The following MGAM variants were observed in gnomAD, a reference collection of about 807,000 sequenced individuals.
MGAM encodes the protein maltase-glucoamylase.
A neutral mutation model predicts 358.8 loss-of-function variants in MGAM; 253 were observed. That is an observed-to-expected ratio of 0.71 (90% CI 0.64 to 0.78). The LOEUF (loss-of-function observed/expected upper bound fraction) is 0.78. MGAM is among the 30% of genes least tolerant of loss of function. The probability of loss-of-function intolerance (pLI) is 0.00; values close to 1 mark genes in which losing one functional copy is unlikely to be tolerated. For missense variants in MGAM, 3,080 were observed against 3,432.6 expected (o/e 0.90, Z 2.57); for synonymous variants, 1,105 against 1,227.1 (o/e 0.90, Z 2.08).
chr7:142,065,442 G>A lies in MGAM; in HGVS notation c.4592G>A (p.Trp1531Ter). The change falls in exon 38 of 71, where the codon TGG (tryptophan) becomes TAG (stop). Residue 1531 changes from tryptophan (W) to a stop codon, truncating the protein, a stop_gained. Coordinates refer to ENST00000475668, the MANE Select transcript of MGAM (RefSeq NM_001365693.1). LOFTEE classifies it high-confidence loss of function. The stretch of plus-strand genomic sequence containing the variant: ...TGGCTGGGAGACAACACGGCCGCAT[G>A]GGATCAGCTGAAGAAGTCTATCATT... Reference protein sequence around the residue: ...GHWLGDNTAAWDQLKKSIIGM... With the variant: ...GHWLGDNTAA 2.5e-6 allele frequency: 4 copies of A among 1,610,494 alleles called. No individual in the cohort carries two copies. The highest frequency in any genetic ancestry group is 2.5e-6 in the Non-Finnish European group (3 of 1,178,256).
intron 16 of MGAM, 108 bp downstream of exon 16, chr7:142,034,949 A>T: frequency 9.2e-7 from 1 of 1,085,750 alleles, no homozygotes; most frequent in Non-Finnish European, 1.3e-6. Flanking sequence ...ATGGCTGGGG[A>T]TTTAATATCT....
chr7:141,996,768 A>G (rs1375730207), intron 1 of MGAM, among the ~76,000 whole-genome samples: 1 of 152,150 alleles, frequency 6.6e-6, no homozygotes, highest in African/African-American at 2.4e-5. Context: ...TTTAGGGGAT[A>G]GTCTGAGGAT....
rs940139268 is a variant in MGAM, at chr7:142,069,207, G to C, written c.5061+504G>C. On this transcript the variant is annotated intron_variant, in intron 43 of 70. Coordinates refer to ENST00000475668, the MANE Select transcript of MGAM (RefSeq NM_001365693.1). ...TAAGGCACACAAGTGATTAGGCAAT[G>C]TGCAAAACACACACAGAGGTATGGG... Among the ~76,000 whole-genome samples the C allele has an allele frequency of 6.2e-5, 9 of 146,282 alleles. 1 individual carries two copies. Among genetic ancestry groups the C allele is most frequent in the African/African-American group, 2.2e-4 (9 of 41,130 alleles).
rs200866992 is a variant in MGAM, at chr7:142,034,763, A to G, written c.1881A>G (p.Gly627=). ...GSGKFAAHWL[G]DNTATWDDLR... is the part of the protein sequence containing the mutation. Reference sequence around the variant, plus strand: ...GCAAGTTTGCAGCACATTGGTTAGGAGACAACACTGCCACCTGGGATGACC... The same window carrying G: ...GCAAGTTTGCAGCACATTGGTTAGGGGACAACACTGCCACCTGGGATGACC... Residue 627 remains glycine (G), a synonymous_variant, in exon 16 of 71, where the codon GGA becomes GGG. Transcript: ENST00000475668. 1.3e-3 allele frequency: 2,023 copies of G among 1,613,566 alleles called. 36 individuals are homozygous for G. In the South Asian group the frequency reaches 0.017, roughly 14 times the overall value.
At chr7:142,019,573 A>C (rs1554457683) in intron 4 of MGAM, among the ~76,000 whole-genome samples, 2 of 152,182 alleles carry the variant, frequency 1.3e-5, no homozygotes, top group Admixed American at 6.5e-5. Flanking sequence ...TGCAATAATC[A>C]TTGATCATTT....
At chr7:142,002,539 A>C (rs894282117) in intron 1 of MGAM, among the ~76,000 whole-genome samples, 1 of 152,236 alleles carries the variant, frequency 6.6e-6, no homozygotes, top group African/African-American at 2.4e-5. Context: ...ATAAAAAAAA[A>C]CCCTTAAAAA....
At chr7:142,102,887 G>T (rs553234767) in intron 69 of MGAM, among the ~76,000 whole-genome samples, 42 of 152,312 alleles carry the variant, frequency 2.8e-4, no homozygotes, top group Admixed American at 5.2e-4. Context: ...CATCAGTAAT[G>T]ATCATTATTC....
At chr7:141,993,865 G>T (rs1804048246), upstream of MGAM, among the ~76,000 whole-genome samples, 1 of 152,172 alleles carries the variant, frequency 6.6e-6, no homozygotes, top group Non-Finnish European at 1.5e-5. Flanking sequence ...TTGTTAGTAT[G>T]TCATTAAAGA....
intron 12 of MGAM, 47 bp downstream of exon 12, chr7:142,030,804 G>A (rs782183953): frequency 8.8e-7 from 1 of 1,139,954 alleles, no homozygotes; most frequent in East Asian, 2.4e-5. Context: ...CTGCATAGGG[G>A]TGTTTGAATG....
At chr7:142,098,444 C>A (rs2129064175) in intron 66 of MGAM, among the ~76,000 whole-genome samples, 1 of 152,124 alleles carries the variant, frequency 6.6e-6, no homozygotes, top group Middle Eastern at 3.4e-3. Flanking sequence ...GCTGGAAATA[C>A]AGCAAAGGGG....
rs1384818791 is a variant in MGAM, at chr7:142,043,588, T to C, written c.2498+2742T>C. ...TATATATACATATGATATCTAAATA[T>C]ATAATATATACATATAATATCTAAT... On this transcript the variant is annotated intron_variant, in intron 21 of 70. Transcript: ENST00000475668. 2.4e-5 allele frequency among the ~76,000 whole-genome samples: 3 copies of C among 127,024 alleles called. 1 individual carries two copies. In the East Asian group the frequency reaches 6.8e-4, roughly 29 times the overall value. The allele number at this position is 127,024 out of a possible 152,430, so 83.3% of individuals were successfully genotyped here.
chr7:142,093,419 G>T lies in MGAM; in HGVS notation c.7041G>T (p.Glu2347Asp). The T allele has an allele frequency of 6.5e-7, 1 of 1,537,764 alleles. No homozygotes were observed. ...CCAGTTCTTCCTCCTCAGATTTGGA[G>T]TCCAGGGACAGGGGCCTGAGCAGCA... Reference protein sequence around the residue: ...LNHPPYMPYLESRDRGLSSKT... With the variant: ...LNHPPYMPYLDSRDRGLSSKT... Residue 2347 changes from glutamate to aspartate, a missense_variant, in exon 60 of 71, where the codon GAG (glutamate) becomes GAT (aspartate). Transcript: ENST00000475668.
At chr7:142,024,496 A>G (rs1214058215) in intron 7 of MGAM, among the ~76,000 whole-genome samples, 4 of 152,162 alleles carry the variant, frequency 2.6e-5, no homozygotes, top group Non-Finnish European at 5.9e-5. Context: ...ACACTTTTCC[A>G]GAGCAATAGT....
chr7:142,020,156 C>T (rs1432083827), intron 4 of MGAM, among the ~76,000 whole-genome samples: 4 of 151,996 alleles, frequency 2.6e-5, no homozygotes, highest in African/African-American at 7.2e-5. Flanking sequence ...GGGAGGCTCT[C>T]GGTATAAAGG....
At chr7:142,084,724 T>A in intron 54 of MGAM, 80 bp downstream of exon 54, 1 of 1,473,216 alleles carries the variant, frequency 6.8e-7, no homozygotes, top group Non-Finnish European at 9.3e-7. Context: ...CTAATGTTTG[T>A]GAGATTCTAT....
At chr7:142,102,524 C>G in intron 68 of MGAM, 106 bp from the exon 69 acceptor site, 1 of 1,065,476 alleles carries the variant, frequency 9.4e-7, no homozygotes, top group Non-Finnish European at 1.4e-6. Flanking sequence ...AAGCCTTACT[C>G]TCTCAAACAA....
intron 1 of MGAM, among the ~76,000 whole-genome samples, chr7:142,001,853 C>G (rs908652627): frequency 6.6e-6 from 1 of 152,140 alleles, no homozygotes. Context: ...CCTGTCTTCT[C>G]TTTGGTAAAT....
At chr7:142,067,965 A>AT (rs1812963514) in intron 42 of MGAM, among the ~76,000 whole-genome samples, 3 of 30,112 alleles carry the variant, frequency 1.0e-4, no homozygotes, top group African/African-American at 3.3e-4. Flanking sequence ...TATATATATA[A>AT]ATATATATAT....
At position 142,006,917 on chromosome 7, in the gene MGAM, C is replaced by T. The variant is rs375589747; in HGVS notation, c.127+1260C>T. Among the ~76,000 whole-genome samples, 12 of 151,972 alleles carry T rather than the reference C, an allele frequency of 7.9e-5. No individual in the cohort carries two copies. In the South Asian group the frequency reaches 1.4e-3, roughly 18 times the overall value. On this transcript the variant is annotated intron_variant, in intron 2 of 70. Transcript: ENST00000475668. Reference sequence around the variant, plus strand: ...TGGATGTGGATGGTCTGCTGCTGTGCGCTTCATCTTCAATATTGTATTGGC... The same window carrying T: ...TGGATGTGGATGGTCTGCTGCTGTGTGCTTCATCTTCAATATTGTATTGGC...
Sources: allele counts gnomAD v4.1 joint callset (sites outside exome capture counted in the v4.1 genomes callset), GRCh38; gene constraint gnomAD v4.1.1; transcripts MANE v1.5; gene names NCBI Gene and HGNC (gene_info 2026-07-23, HGNC 2026-07-21).